Variants in NGLY1 observed in about 807,000 individuals in gnomAD.
NGLY1 encodes N-glycanase 1, also known as peptide-N(4)-(N-acetyl-beta-glucosaminyl)asparagine amidase.
In NGLY1, 68 loss-of-function variants were observed where a neutral mutation model predicts 84.6. The observed-to-expected ratio is 0.80, with a 90% confidence interval of 0.66 to 0.98. The LOEUF (loss-of-function observed/expected upper bound fraction) is 0.98. Among genes scored for constraint, NGLY1 ranks in the 50% least tolerant of loss-of-function variants. The pLI is 0.00. For missense variants in NGLY1, 779 were observed against 770.2 expected (o/e 1.01, Z -0.14); for synonymous variants, 280 against 275.2 (o/e 1.02, Z -0.17).
At chr3:25,758,118 C>T (rs1460090305) in intron 3 of NGLY1, among the ~76,000 whole-genome samples, 3 of 152,184 alleles carry the variant, frequency 2.0e-5, no homozygotes, top group East Asian at 3.8e-4. Flanking sequence ...GCAGGGCAAA[C>T]ACATCATCTG....
At chr3:25,747,955 T>C (rs1220922617) in intron 4 of NGLY1, among the ~76,000 whole-genome samples, 2 of 152,152 alleles carry the variant, frequency 1.3e-5, no homozygotes, top group Non-Finnish European at 1.5e-5. Flanking sequence ...GTTTTCACAA[T>C]GAAGAACCAA....
At chr3:25,756,179 G>A (rs1484682239) in intron 3 of NGLY1, among the ~76,000 whole-genome samples, 1 of 151,906 alleles carries the variant, frequency 6.6e-6, no homozygotes, top group Non-Finnish European at 1.5e-5. Context: ...TTTGTTTCTT[G>A]GCCTTCCTTA....
rs1704870760 is a variant in NGLY1 at position 25,719,544 on chromosome 3, C to T, written c.1881G>A (p.Trp627Ter). The change falls in exon 12 of 12, where the codon TGG (tryptophan) becomes TGA (stop). Residue 627 changes from tryptophan (W) to a stop codon, truncating the protein, a stop_gained. Transcript: ENST00000280700. LOFTEE classifies it high-confidence loss of function. ...ELSRGDGDVA[W>*]QHTQLFRQSL... is the part of the protein sequence containing the mutation. ...TTTGTCTAAACAGCTGGGTGTGTTGCCAAGCGACATCACCATCTCCTCTGC... is the reference window on the plus strand; with the variant it reads ...TTTGTCTAAACAGCTGGGTGTGTTGTCAAGCGACATCACCATCTCCTCTGC... 3 of 1,613,874 alleles carry T rather than the reference C, an allele frequency of 1.9e-6. No homozygotes were observed. Among genetic ancestry groups the T allele is most frequent in the Non-Finnish European group, 2.5e-6 (3 of 1,179,878 alleles).
intron 4 of NGLY1, among the ~76,000 whole-genome samples, chr3:25,748,823 T>C (rs1706573389): frequency 6.6e-6 from 1 of 152,152 alleles, no homozygotes; most frequent in South Asian, 2.1e-4. Context: ...GACGCTATCA[T>C]ATATTCTGTG....
chr3:25,761,096 A>T (rs936742275), intron 3 of NGLY1, among the ~76,000 whole-genome samples: 2 of 152,174 alleles, frequency 1.3e-5, no homozygotes, highest in African/African-American at 4.8e-5. Context: ...AAATAAACAC[A>T]TACCCATATA....
chr3:25,774,534 A>G (rs1408177243), intron 2 of NGLY1, among the ~76,000 whole-genome samples: 2 of 152,020 alleles, frequency 1.3e-5, no homozygotes, highest in African/African-American at 4.8e-5. Context: ...GATTACAGCT[A>G]TCTCTGCTGC....
chr3:25,751,228 C>A lies in NGLY1; in HGVS notation c.528G>T (p.Gln176His). 6.2e-7 allele frequency: 1 copy of A among 1,602,644 alleles called. No individual in the cohort carries two copies. Among genetic ancestry groups the A allele is most frequent in the East Asian group, 2.3e-5 (1 of 44,442 alleles). The part of the protein sequence containing the change: ...AADSAILEVL[Q>H]SNIQHVLVYE... ...AGACCAGCACATGCTGAATGTTGGA[C>A]TGAAGAACTTCTAGAATGGCTGAGT... Residue 176 changes from glutamine to histidine, a missense_variant, in exon 4 of 12, where the codon CAG becomes CAT. Gln to His is a conservative substitution (Grantham distance 24). Coordinates refer to ENST00000280700, the MANE Select transcript of NGLY1 (RefSeq NM_018297.4).
At chr3:25,737,890 G>A (rs1705924133) in intron 5 of NGLY1, among the ~76,000 whole-genome samples, 1 of 152,058 alleles carries the variant, frequency 6.6e-6, no homozygotes, top group Admixed American at 6.6e-5. Context: ...AATATATGAG[G>A]CACAATGTTA....
chr3:25,750,825 C>A (rs1047227644), intron 4 of NGLY1, among the ~76,000 whole-genome samples: 2 of 152,148 alleles, frequency 1.3e-5, no homozygotes, highest in African/African-American at 4.8e-5. Flanking sequence ...TCAGTATATG[C>A]TGGGGATTGG....
chr3:25,752,743 G>C (rs1049593005), intron 3 of NGLY1, among the ~76,000 whole-genome samples: 5 of 151,894 alleles, frequency 3.3e-5, no homozygotes, highest in Non-Finnish European at 5.9e-5. Flanking sequence ...GAGCCCAGGA[G>C]GTCAAGGCTA....
intron 2 of NGLY1, among the ~76,000 whole-genome samples, chr3:25,770,567 T>G (rs1707841788): frequency 6.6e-6 from 1 of 152,236 alleles, no homozygotes; most frequent in South Asian, 2.1e-4. Flanking sequence ...TGACTTCTTT[T>G]CCTCTGGGTA....
chr3:25,787,595 A>T (rs1708632706), upstream of NGLY1, among the ~76,000 whole-genome samples: 1 of 152,192 alleles, frequency 6.6e-6, no homozygotes, highest in Non-Finnish European at 1.5e-5. Flanking sequence ...GACAAAGAGG[A>T]GTAAGAGAGA....
intron 8 of NGLY1, among the ~76,000 whole-genome samples, chr3:25,732,964 T>C (rs1371745165): frequency 6.6e-6 from 1 of 152,210 alleles, no homozygotes; most frequent in Non-Finnish European, 1.5e-5. Flanking sequence ...TGCACCTCTT[T>C]TCCCTTCCAG....
Position 25,736,596 on chromosome 3 carries a change from T to C in NGLY1, c.1004-447A>G, listed in dbSNP as rs761340504. 24 of 441,902 alleles carry C rather than the reference T, an allele frequency of 5.4e-5. No homozygotes were observed. In the Middle Eastern group the frequency reaches 2.9e-3, roughly 53 times the overall value. The allele number at this position is 441,902 out of a possible 1,614,324, so 27.4% of individuals were successfully genotyped here. A position where few individuals can be genotyped will look rare whatever the true frequency, so the allele number is the denominator to read the frequency against. On this transcript the variant is annotated intron_variant, in intron 6 of 11. Transcript: ENST00000280700. ...ATTTTAAGAGAACACTAACTATTAA[T>C]GGAAGGTTTCATTTAATTCTTTAGA...
At chr3:25,763,430 A>G (rs1417005396) in intron 3 of NGLY1, among the ~76,000 whole-genome samples, 1 of 152,200 alleles carries the variant, frequency 6.6e-6, no homozygotes, top group Non-Finnish European at 1.5e-5. Context: ...AACTGTACCA[A>G]CCTTAACTGC....
chr3:25,781,417 T>C (rs368632675), intron 1 of NGLY1, among the ~76,000 whole-genome samples: 3 of 152,236 alleles, frequency 2.0e-5, no homozygotes, highest in African/African-American at 7.2e-5. Context: ...TATAGACTGA[T>C]ACCAAAGGCC....
rs192224414 is a variant in NGLY1, at chr3:25,748,003, T to C, written c.658+3095A>G. The stretch of plus-strand genomic sequence containing the variant: ...GTGGCTCTAGAAAAGATGGGAAGAG[T>C]AAGAATTGTGAGGTATACCCAGAGT... On this transcript the variant is annotated intron_variant, in intron 4 of 11. Transcript: ENST00000280700. 2.1e-3 allele frequency among the ~76,000 whole-genome samples: 314 copies of C among 151,980 alleles called. 2 individuals are homozygous for C. Among genetic ancestry groups the C allele is most frequent in the African/African-American group, 7.1e-3 (296 of 41,450 alleles).
rs527953961 is a variant in NGLY1 at position 25,755,184 on chromosome 3, C to G, written c.493-3921G>C. On this transcript the variant is annotated intron_variant, in intron 3 of 11. Coordinates refer to ENST00000280700, the MANE Select transcript of NGLY1 (RefSeq NM_018297.4). ...GCTGATCTTTTTACCTCTCTTCCCC[C>G]AAGAGGTTTCTTACTGGATATTGCA... is the stretch of plus-strand genomic sequence containing the variant. 10 of 1,295,706 alleles carry G rather than the reference C, an allele frequency of 7.7e-6. No homozygotes were observed. In the African/African-American group the frequency reaches 1.5e-4, roughly 19 times the overall value. The allele number at this position is 1,295,706 out of a possible 1,614,324, so 80.3% of individuals were successfully genotyped here. A position where few individuals can be genotyped will look rare whatever the true frequency, so the allele number is the denominator to read the frequency against.
chr3:25,755,312 TC>T, intron 3 of NGLY1: 2 of 1,368,236 alleles, frequency 1.5e-6, no homozygotes, highest in Non-Finnish European at 2.1e-6. Context: ...TAGGCTGAAG[TC>T]CTTAATTAAA....
Sources: gnomAD v4.1 joint callset for allele counts (sites outside exome capture counted in the v4.1 genomes callset) on GRCh38, gnomAD v4.1.1 for gene constraint, MANE v1.5 for transcripts, NCBI Gene and HGNC (gene_info 2026-07-23, HGNC 2026-07-21) for gene names.